Variants in FAT3 observed in about 807,000 individuals in gnomAD.
FAT3 encodes FAT atypical cadherin 3.
FAT3 carries 95 observed loss-of-function variants against 310.2 expected under a neutral mutation model. The observed-to-expected ratio is 0.31, with a 90% CI of 0.26 to 0.36. The LOEUF (loss-of-function observed/expected upper bound fraction) is 0.36. Ranked by LOEUF, FAT3 falls within the 10% of genes least tolerant of loss-of-function variation. The pLI is 1.00. For synonymous variants in FAT3, 2,314 were observed against 2,192.9 expected (o/e 1.06, Z -1.54); for missense variants, 5,408 against 5,715.6 (o/e 0.95, Z 1.74).
At chr11:92,736,934 C>G (rs1231942817) in intron 4 of FAT3, among the ~76,000 whole-genome samples, 1 of 152,120 alleles carries the variant, frequency 6.6e-6, no homozygotes, top group Non-Finnish European at 1.5e-5. Context: ...GAACCAGAGT[C>G]TGATTACAGA....
chr11:92,882,376 C>A (rs1295164045), intron 23 of FAT3, among the ~76,000 whole-genome samples: 1 of 152,102 alleles, frequency 6.6e-6, no homozygotes, highest in African/African-American at 2.4e-5. Context: ...TGCATCTGCT[C>A]CCGCGGATTT....
In FAT3 at chr11:92,354,329, G is replaced by T. The variant is rs752381873; in HGVS notation, c.2217G>T (p.Leu739=). ...FPSDVAVKED[L]PVGANILKIK... Reference sequence around the variant, plus strand: ...CTGATGTGGCTGTAAAGGAGGATCTGCCAGTTGGTGCTAACATTCTGAAGA... The same window carrying T: ...CTGATGTGGCTGTAAAGGAGGATCTTCCAGTTGGTGCTAACATTCTGAAGA... The change falls in exon 2 of 28, where the codon CTG becomes CTT. Residue 739 remains leucine, a synonymous_variant. Coordinates refer to ENST00000525166, the MANE Select transcript of FAT3 (RefSeq NM_001367949.2). 11 of 1,613,784 alleles carry T rather than the reference G, an allele frequency of 6.8e-6. No individual in the cohort carries two copies. The South Asian group carries it at 9.9e-5, about 14-fold the overall frequency.
chr11:92,229,315 T>G (rs924744686), intron 1 of FAT3, among the ~76,000 whole-genome samples: 1 of 151,700 alleles, frequency 6.6e-6, no homozygotes, highest in African/African-American at 2.4e-5. Flanking sequence ...CTCTTGAGGA[T>G]CACCACAGTG....
chr11:92,573,674 A>G (rs1209773184), intron 3 of FAT3, among the ~76,000 whole-genome samples: 1 of 152,136 alleles, frequency 6.6e-6, no homozygotes, highest in East Asian at 1.9e-4. Context: ...GTGAAGATAG[A>G]GGCAGAGGTT....
At chr11:92,529,994 G>A (rs1220196655) in intron 3 of FAT3, among the ~76,000 whole-genome samples, 1 of 152,174 alleles carries the variant, frequency 6.6e-6, no homozygotes, top group East Asian at 1.9e-4. Flanking sequence ...TGTGTGTGCT[G>A]TAAGAATACC....
intron 3 of FAT3, among the ~76,000 whole-genome samples, chr11:92,673,860 T>C (rs1386604768): frequency 6.6e-6 from 1 of 152,100 alleles, no homozygotes. Flanking sequence ...ATAAGATTGA[T>C]AAGTTTCTAT....
chr11:92,880,676 A>G (rs2136396489), intron 22 of FAT3, 55 bp from the exon 23 acceptor site: 5 of 1,554,750 alleles, frequency 3.2e-6, no homozygotes, highest in Non-Finnish European at 3.5e-6. Flanking sequence ...GCTGAGTCCA[A>G]GCACTCAGCC....
At chr11:92,664,096 C>G (rs1035155403) in intron 3 of FAT3, among the ~76,000 whole-genome samples, 9 of 152,132 alleles carry the variant, frequency 5.9e-5, no homozygotes, top group Admixed American at 1.3e-4. Flanking sequence ...CATCATCACT[C>G]TTTTACACAA....
At chr11:92,621,996 G>C (rs1941109921) in intron 3 of FAT3, among the ~76,000 whole-genome samples, 1 of 152,068 alleles carries the variant, frequency 6.6e-6, no homozygotes, top group Non-Finnish European at 1.5e-5. Context: ...CTGATTTAGG[G>C]GCTTGTTAAG....
intron 1 of FAT3, among the ~76,000 whole-genome samples, chr11:92,228,808 T>C (rs1448421098): frequency 1.3e-5 from 2 of 152,230 alleles, no homozygotes; most frequent in African/African-American, 2.4e-5. Flanking sequence ...CTTTTTCCTC[T>C]AGGGCAAGAA....
chr11:92,663,832 G>A (rs1942870787), intron 3 of FAT3, among the ~76,000 whole-genome samples: 1 of 152,054 alleles, frequency 6.6e-6, no homozygotes, highest in Non-Finnish European at 1.5e-5. Flanking sequence ...GCTTTCATGT[G>A]ACTGCCAGTT....
At chr11:92,864,266 A>AGTTTT (rs1949184498) in intron 21 of FAT3, among the ~76,000 whole-genome samples, 1 of 152,186 alleles carries the variant, frequency 6.6e-6, no homozygotes, top group Non-Finnish European at 1.5e-5. Flanking sequence ...AAAAACTTAG[A>AGTTTT]TAAATTGCAC....
chr11:92,459,960 C>CA lies in FAT3; in HGVS notation c.3293-64664dup, dbSNP rs996194633. 2.9e-4 allele frequency among the ~76,000 whole-genome samples: 42 copies of CA among 145,342 alleles called. No homozygotes were observed. In the South Asian group the frequency reaches 3.7e-3, roughly 13 times the overall value. On this transcript the variant is annotated intron_variant, in intron 2 of 27. Transcript: ENST00000525166. Reference sequence around the variant, plus strand: ...GAGAAGCTATGGTTTGTGTATGGCACAAAAAAAAAATAAGAAAAAAGAAAA... The same window carrying CA: ...GAGAAGCTATGGTTTGTGTATGGCACAAAAAAAAAAATAAGAAAAAAGAAAA...
chr11:92,732,552 G>A (rs1287882728), intron 4 of FAT3, among the ~76,000 whole-genome samples: 1 of 152,116 alleles, frequency 6.6e-6, no homozygotes, highest in Admixed American at 6.5e-5. Flanking sequence ...TGACAGTAGA[G>A]AATCAGAGAA....
At chr11:92,731,707 A>AT (rs1169234609) in intron 4 of FAT3, among the ~76,000 whole-genome samples, 1 of 151,536 alleles carries the variant, frequency 6.6e-6, no homozygotes, top group East Asian at 1.9e-4. Flanking sequence ...CTTGGGAAAA[A>AT]AAAAAGCCCT....
chr11:92,782,880 TGAA>T (rs1946789201), intron 7 of FAT3, among the ~76,000 whole-genome samples: 1 of 152,210 alleles, frequency 6.6e-6, no homozygotes, highest in Admixed American at 6.5e-5. Flanking sequence ...GTTTTTACCT[TGAA>T]GATGTGGACT....
chr11:92,782,605 C>G (rs1032018163), intron 7 of FAT3, among the ~76,000 whole-genome samples: 11 of 152,126 alleles, frequency 7.2e-5, no homozygotes, highest in African/African-American at 2.7e-4. Flanking sequence ...GGAAAATCAG[C>G]TTGTATCTCT....
intron 1 of FAT3, among the ~76,000 whole-genome samples, chr11:92,251,215 C>T (rs1033421352): frequency 2.6e-4 from 40 of 152,074 alleles, no homozygotes; most frequent in African/African-American, 9.4e-4. Flanking sequence ...TCATTGCTTC[C>T]GAGGTAGGTT....
chr11:92,878,366 GAAAT>G (rs979328345), intron 22 of FAT3, among the ~76,000 whole-genome samples: 37 of 151,870 alleles, frequency 2.4e-4, no homozygotes, highest in Admixed American at 2.2e-3. Context: ...GCTAAAAATA[GAAAT>G]AAATAAATAA....
Sources: gnomAD v4.1 joint callset for allele counts (sites outside exome capture counted in the v4.1 genomes callset) on GRCh38, gnomAD v4.1.1 for gene constraint, MANE v1.5 for transcripts, NCBI Gene and HGNC (gene_info 2026-07-23, HGNC 2026-07-21) for gene names.